DGKB: variants seen among roughly 807,000 people sequenced by gnomAD.
DGKB encodes the protein 90 kDa diacylglycerol kinase.
DGKB carries 67 observed loss-of-function variants against 114.3 expected under a neutral mutation model. The ratio of observed to expected loss-of-function variants is 0.59; its 90% CI spans 0.48 to 0.72. The LOEUF (loss-of-function observed/expected upper bound fraction) is 0.72. DGKB is among the 30% of genes least tolerant of loss of function. The pLI is 0.00. For synonymous variants in DGKB, 398 were observed against 323.1 expected, an observed-to-expected ratio of 1.23 and a Z score of -2.49; for missense variants, 907 against 975.2, an observed-to-expected ratio of 0.93 and a Z score of 0.93.
chr7:14,514,316 CAATG>C (rs1374591758), intron 20 of DGKB, among the ~76,000 whole-genome samples: 1 of 152,014 alleles, frequency 6.6e-6, no homozygotes, highest in Non-Finnish European at 1.5e-5. Context: ...TCAGAATTGA[CAATG>C]AAAGCATATA....
At chr7:14,607,157 C>CGTGTGT (rs71004316) in intron 17 of DGKB, among the ~76,000 whole-genome samples, 77,776 of 148,152 alleles carry the variant, frequency 0.52, 21,430 homozygotes, top group Admixed American at 0.64. Flanking sequence ...GCTAGTTTGT[C>CGTGTGT]GTGTGTGTGT....
intron 13 of DGKB, among the ~76,000 whole-genome samples, chr7:14,667,674 G>A (rs1383155298): frequency 5.3e-5 from 8 of 152,102 alleles, no homozygotes; most frequent in African/African-American, 1.7e-4. Context: ...TTCCTGGAAA[G>A]TTACTGAAAG....
At chr7:14,370,013 GC>G (rs1179607394) in intron 21 of DGKB, among the ~76,000 whole-genome samples, 3 of 152,072 alleles carry the variant, frequency 2.0e-5, no homozygotes, top group Non-Finnish European at 2.9e-5. Flanking sequence ...AGTCGTGAAG[GC>G]TTTGTCCATG....
chr7:14,539,150 C>T (rs192133594), intron 20 of DGKB, among the ~76,000 whole-genome samples: 63 of 152,200 alleles, frequency 4.1e-4, no homozygotes, highest in Non-Finnish European at 8.2e-4. Flanking sequence ...ATTGTTCTTA[C>T]TCCAAAACAA....
At chr7:14,729,288 A>G (rs1488905328) in intron 5 of DGKB, among the ~76,000 whole-genome samples, 2 of 131,840 alleles carry the variant, frequency 1.5e-5, no homozygotes, top group Non-Finnish European at 3.6e-5. Context: ...ACATCCGGCT[A>G]ATTTTTTGTA....
At chr7:14,406,811 T>A (rs1163817738) in intron 21 of DGKB, among the ~76,000 whole-genome samples, 1 of 152,130 alleles carries the variant, frequency 6.6e-6, no homozygotes, top group African/African-American at 2.4e-5. Flanking sequence ...ACTCAAGTTA[T>A]ATACAATTTT....
chr7:14,838,805 A>G (rs1422727070), intron 2 of DGKB, among the ~76,000 whole-genome samples: 20 of 152,126 alleles, frequency 1.3e-4, no homozygotes, highest in Admixed American at 1.3e-3. Flanking sequence ...CAATGACTTC[A>G]TTGTTTGACT....
chr7:14,682,501 C>T, intron 12 of DGKB, 52 bp downstream of exon 12: 2 of 1,216,302 alleles, frequency 1.6e-6, no homozygotes, highest in South Asian at 1.3e-5. Context: ...GTATGATATA[C>T]ACGTCTTCAG....
intron 1 of DGKB, among the ~76,000 whole-genome samples, chr7:14,911,010 A>G (rs1477137019): frequency 6.6e-6 from 1 of 152,122 alleles, no homozygotes; most frequent in Non-Finnish European, 1.5e-5. Flanking sequence ...ACTGCAATGT[A>G]TAGTATGTAT....
intron 23 of DGKB, among the ~76,000 whole-genome samples, chr7:14,326,557 T>C (rs1213263400): frequency 6.6e-6 from 1 of 152,008 alleles, no homozygotes; most frequent in Non-Finnish European, 1.5e-5. Flanking sequence ...GAAGAAAACA[T>C]TATTCTCAAG....
chr7:14,583,035 G>T lies in DGKB; in HGVS notation c.1519+17C>A. ...ATTGCTCTCTCCCCAGCCATATTAA[G>T]TATGTGTCTGCATTACCTATGCAAT... On this transcript the variant is annotated intron_variant, in intron 18 of 25. Coordinates refer to ENST00000402815, the MANE Select transcript of DGKB (RefSeq NM_001350709.2). 2 of 1,536,242 alleles carry T rather than the reference G, an allele frequency of 1.3e-6. No individual in the cohort carries two copies. Among genetic ancestry groups the T allele is most frequent in the South Asian group, 1.1e-5 (1 of 89,340 alleles).
chr7:14,915,168 A>C (rs538846511), intron 1 of DGKB, among the ~76,000 whole-genome samples: 34 of 152,210 alleles, frequency 2.2e-4, no homozygotes, highest in Admixed American at 7.2e-4. Flanking sequence ...GGAGTTTGAG[A>C]CCAGCCTGGG....
intron 13 of DGKB, among the ~76,000 whole-genome samples, chr7:14,672,624 C>A (rs1156387823): frequency 6.6e-6 from 1 of 152,122 alleles, no homozygotes; most frequent in African/African-American, 2.4e-5. Context: ...GAAGCTAGAT[C>A]TATAAAATAT....
chr7:14,804,282 T>C (rs917394543), intron 2 of DGKB, among the ~76,000 whole-genome samples: 31 of 152,082 alleles, frequency 2.0e-4, no homozygotes, highest in African/African-American at 7.2e-4. Flanking sequence ...GGATATCTTC[T>C]ATCTTTAAAA....
At chr7:14,865,861 T>C (rs921114665) in intron 1 of DGKB, among the ~76,000 whole-genome samples, 3 of 152,192 alleles carry the variant, frequency 2.0e-5, no homozygotes, top group Non-Finnish European at 4.4e-5. Flanking sequence ...GGACTTTGTA[T>C]GGCTCAGAAT....
At chr7:14,688,850 GTTTTAGTT>G (rs1274244795) in intron 9 of DGKB, among the ~76,000 whole-genome samples, 3 of 54,562 alleles carry the variant, frequency 5.5e-5, no homozygotes, top group African/African-American at 2.8e-4. Context: ...TGATTCTAAA[GTTTTAGTT>G]TTTCCATAAA....
At chr7:14,847,520 T>C (rs113128058) in intron 1 of DGKB, among the ~76,000 whole-genome samples, 14 of 152,254 alleles carry the variant, frequency 9.2e-5, no homozygotes, top group African/African-American at 3.1e-4. Flanking sequence ...TAAAAAGAAG[T>C]CTAAATTTGA....
chr7:14,497,162 A>G (rs1315007955), intron 20 of DGKB, among the ~76,000 whole-genome samples: 1 of 151,670 alleles, frequency 6.6e-6, no homozygotes, highest in Non-Finnish European at 1.5e-5. Context: ...ACAGAGTAGT[A>G]TATTGGACAT....
chr7:14,305,174 G>A (rs1455679479), intron 23 of DGKB, among the ~76,000 whole-genome samples: 1 of 152,060 alleles, frequency 6.6e-6, no homozygotes, highest in African/African-American at 2.4e-5. Flanking sequence ...TGAAATATAT[G>A]ATAAATTATT....
Sources: gnomAD v4.1 joint callset for allele counts (sites outside exome capture counted in the v4.1 genomes callset) on GRCh38, gnomAD v4.1.1 for gene constraint, MANE v1.5 for transcripts, NCBI Gene and HGNC (gene_info 2026-07-23, HGNC 2026-07-21) for gene names.